RBM47: variants seen among roughly 807,000 people sequenced by gnomAD.
The protein encoded by RBM47 is RNA-binding protein 47.
In RBM47, 21 loss-of-function variants were observed where a neutral mutation model predicts 47.1. That is an observed-to-expected ratio of 0.45 (90% CI 0.32 to 0.64). The LOEUF is 0.64. RBM47 is among the 30% of genes least tolerant of loss of function. The pLI is 0.05. For synonymous variants in RBM47, 375 were observed against 361.7 expected (o/e 1.04, Z -0.42); for missense variants, 708 against 870.9 (o/e 0.81, Z 2.35).
At chr4:40,446,645 G>A (rs13134926) in intron 3 of RBM47, among the ~76,000 whole-genome samples, 12,034 of 150,820 alleles carry the variant, frequency 0.08, 883 homozygotes, top group East Asian at 0.39. Flanking sequence ...AGGCTGAGGT[G>A]GGAAGATCAC....
rs563672674 is a variant in RBM47 at position 40,425,512 on chromosome 4, T to C, written c.*392A>G. 1 of 161,040 alleles carries C rather than the reference T, an allele frequency of 6.2e-6. No homozygotes were observed. Among genetic ancestry groups the C allele is most frequent in the Non-Finnish European group, 1.4e-5 (1 of 72,606 alleles). 10.0% of individuals were successfully genotyped at this position (161,040 alleles called of 1,614,324 possible). On this transcript the variant is annotated 3_prime_UTR_variant, in exon 7 of 7. Transcript: ENST00000295971. ...TCCTCAAGTGTGCTTTTTTAATATA[T>C]AGTTGATATATTATTGAAGGTACTA...
intron 2 of RBM47, among the ~76,000 whole-genome samples, chr4:40,523,619 C>T (rs1321780612): frequency 6.6e-6 from 1 of 151,886 alleles, no homozygotes; most frequent in African/African-American, 2.4e-5. Context: ...CCATTGCACT[C>T]CAGCCTGGGC....
chr4:40,593,152 G>T (rs912180138), intron 1 of RBM47, among the ~76,000 whole-genome samples: 2 of 147,558 alleles, frequency 1.4e-5, no homozygotes, highest in African/African-American at 5.0e-5. Flanking sequence ...CCGCGACCAC[G>T]CCAGGCTAAT....
At chr4:40,597,488 A>G (rs1445094174) in intron 1 of RBM47, among the ~76,000 whole-genome samples, 1 of 151,632 alleles carries the variant, frequency 6.6e-6, no homozygotes, top group Non-Finnish European at 1.5e-5. Flanking sequence ...AGGCTGAGGC[A>G]GGAGAATGGC....
chr4:40,591,533 A>G (rs1734132542), intron 1 of RBM47, among the ~76,000 whole-genome samples: 1 of 152,040 alleles, frequency 6.6e-6, no homozygotes, highest in Non-Finnish European at 1.5e-5. Context: ...CATCTCAACT[A>G]AAAATACAAA....
chr4:40,609,656 C>T (rs1016306304), intron 1 of RBM47, among the ~76,000 whole-genome samples: 3 of 152,020 alleles, frequency 2.0e-5, no homozygotes, highest in African/African-American at 7.2e-5. Flanking sequence ...TCTCTGCTTT[C>T]TATAAATTAT....
intron 1 of RBM47, among the ~76,000 whole-genome samples, chr4:40,577,829 A>C (rs1442480357): frequency 6.6e-6 from 1 of 152,174 alleles, no homozygotes; most frequent in East Asian, 1.9e-4. Flanking sequence ...TCCCTGGTGA[A>C]GAAACCAACA....
In RBM47 at chr4:40,438,781, A is replaced by T; in HGVS notation, c.113T>A (p.Leu38Gln). 6.4e-7 allele frequency: 1 copy of T among 1,560,650 alleles called. No individual in the cohort carries two copies. The highest frequency in any genetic ancestry group is 8.6e-7 in the Non-Finnish European group (1 of 1,158,098). Residue 38 changes from leucine (L) to glutamine (Q), a missense_variant, in exon 4 of 7, where the codon CTG becomes CAG. Leu to Gln is a moderately radical substitution (Grantham distance 113). Transcript: ENST00000295971. ...CATGCTGTAGCCCGTGCGCTCCATCAGCGCCAGCAGTGCTGCCTCGTTGGG... is the reference window on the plus strand; with the variant it reads ...CATGCTGTAGCCCGTGCGCTCCATCTGCGCCAGCAGTGCTGCCTCGTTGGG... ...GAPNEAALLA[L>Q]MERTGYSMVQ...
chr4:40,592,969 ATATATATATATTTTTT>A (rs1734354502), intron 1 of RBM47, among the ~76,000 whole-genome samples: 4 of 22,260 alleles, frequency 1.8e-4, no homozygotes, highest in African/African-American at 4.3e-4. Flanking sequence ...ATATATATAT[ATATATATATATTTTTT>A]TTTTTTTTTT....
chr4:40,457,436 AAAC>A (rs1716459354), intron 3 of RBM47, among the ~76,000 whole-genome samples: 1 of 151,700 alleles, frequency 6.6e-6, no homozygotes, highest in Non-Finnish European at 1.5e-5. Context: ...AAAAAAAAAA[AAAC>A]AAAAAAAAGG....
At chr4:40,566,359 G>A (rs1008001890) in intron 1 of RBM47, among the ~76,000 whole-genome samples, 4 of 152,056 alleles carry the variant, frequency 2.6e-5, no homozygotes, top group African/African-American at 9.7e-5. Context: ...TTAAGAGTTA[G>A]ATGTCTGCTG....
intron 1 of RBM47, among the ~76,000 whole-genome samples, chr4:40,592,030 A>G (rs2154275280): frequency 1.3e-5 from 2 of 152,308 alleles, no homozygotes; most frequent in Non-Finnish European, 2.9e-5. Context: ...CCCCTCAGGA[A>G]AAATGCTTGT....
rs374935322 is a variant in RBM47 at position 40,436,577 on chromosome 4, G to A, written c.1194C>T (p.Leu398=). The change falls in exon 5 of 7, where the codon CTC becomes CTT. Residue 398 remains leucine, a synonymous_variant. Transcript: ENST00000295971. ...NRAPGPRGSY[L]GGYSAGRGIY... is the part of the protein sequence containing the mutation. ...TACCACGACCAGCAGAATATCCCCC[G>A]AGGTAGGAACCCCTAGGCCCTGGGG... The A allele has an allele frequency of 1.9e-5, 30 of 1,614,012 alleles. No individual in the cohort carries two copies. The highest frequency in any genetic ancestry group is 2.2e-5 in the Non-Finnish European group (26 of 1,180,032).
At chr4:40,513,019 C>T (rs556943302) in intron 2 of RBM47, among the ~76,000 whole-genome samples, 3 of 152,254 alleles carry the variant, frequency 2.0e-5, no homozygotes, top group African/African-American at 4.8e-5. Flanking sequence ...CTCAATTTTC[C>T]GATATGCATA....
At chr4:40,513,394 A>T (rs1414073303) in intron 2 of RBM47, among the ~76,000 whole-genome samples, 1 of 152,212 alleles carries the variant, frequency 6.6e-6, no homozygotes, top group Non-Finnish European at 1.5e-5. Context: ...AGAACTGGCA[A>T]TTGTAGAAAT....
rs368466721 is a variant in RBM47 at position 40,530,975 on chromosome 4, G to C, written c.-155+13447C>G. ...ATTAGCTGGGCATGGGGGTGCATGC[G>C]TGTAGTCCCAGCTACTCAGAAATTG... On this transcript the variant is annotated intron_variant, in intron 2 of 6. Transcript: ENST00000295971. Among the ~76,000 whole-genome samples the C allele has an allele frequency of 1.5e-3, 227 of 152,194 alleles. 1 individual carries two copies. The highest frequency in any genetic ancestry group is 5.1e-3 in the African/African-American group (213 of 41,554).
chr4:40,447,960 G>A (rs1211891748), intron 3 of RBM47, among the ~76,000 whole-genome samples: 1 of 152,124 alleles, frequency 6.6e-6, no homozygotes. Flanking sequence ...GCAGTGAGCC[G>A]AGATCGTGCC....
intron 1 of RBM47, among the ~76,000 whole-genome samples, chr4:40,627,449 T>C (rs552357826): frequency 1.3e-5 from 2 of 152,300 alleles, no homozygotes; most frequent in African/African-American, 4.8e-5. Flanking sequence ...CCCTGACCTT[T>C]TCTGAAAAAT....
intron 1 of RBM47, among the ~76,000 whole-genome samples, chr4:40,603,601 CCTCT>C (rs772285424): frequency 6.6e-6 from 1 of 151,370 alleles, no homozygotes; most frequent in East Asian, 1.9e-4. Context: ...CCTCTCTCTC[CCTCT>C]CTCTCTCTTT....
Sources: allele counts gnomAD v4.1 joint callset (sites outside exome capture counted in the v4.1 genomes callset), GRCh38; gene constraint gnomAD v4.1.1; transcripts MANE v1.5; gene names NCBI Gene and HGNC (gene_info 2026-07-23, HGNC 2026-07-21).